Variants in SAMD3 observed in about 807,000 individuals in gnomAD.
The protein encoded by SAMD3 is sterile alpha motif domain containing 3.
In SAMD3, 63 loss-of-function variants were observed where a neutral mutation model predicts 58.5. The observed-to-expected ratio is 1.08, with a 90% CI of 0.88 to 1.33. The LOEUF (loss-of-function observed/expected upper bound fraction) is 1.33, where lower values mean the gene tolerates loss of function less well. Ranked by LOEUF, SAMD3 falls within the 40% of genes most tolerant of loss-of-function variation. The pLI, the probability that SAMD3 is intolerant of heterozygous loss-of-function variation, is 0.00. For synonymous variants in SAMD3, 220 were observed against 210.3 expected (o/e 1.05, Z -0.40); for missense variants, 604 against 608.4 (o/e 0.99, Z 0.08).
intron 2 of SAMD3, among the ~76,000 whole-genome samples, chr6:130,309,785 C>T (rs1234632830): frequency 6.6e-6 from 1 of 152,152 alleles, no homozygotes; most frequent in Non-Finnish European, 1.5e-5. Flanking sequence ...TAACTGGTGT[C>T]CTTGACTGTC....
intron 1 of SAMD3, among the ~76,000 whole-genome samples, chr6:130,323,008 G>T (rs990193340): frequency 1.3e-5 from 2 of 152,066 alleles, no homozygotes; most frequent in African/African-American, 4.8e-5. Flanking sequence ...AGTCAGACAA[G>T]GACTATCATG....
At chr6:130,222,432 T>C (rs1324606494) in intron 1 of SAMD3, among the ~76,000 whole-genome samples, 1 of 152,160 alleles carries the variant, frequency 6.6e-6, no homozygotes, top group Non-Finnish European at 1.5e-5. Flanking sequence ...GAAACAGTCA[T>C]GGATATGGTT....
intron 2 of SAMD3, among the ~76,000 whole-genome samples, chr6:130,280,875 T>A (rs994442765): frequency 1.3e-5 from 2 of 152,204 alleles, no homozygotes; most frequent in Non-Finnish European, 2.9e-5. Flanking sequence ...AAAATAAATG[T>A]TCACATTAAA....
chr6:130,232,617 TG>T (rs1301607571), intron 2 of SAMD3, among the ~76,000 whole-genome samples: 9 of 152,286 alleles, frequency 5.9e-5, no homozygotes, highest in African/African-American at 2.2e-4. Flanking sequence ...GTCTACATGT[TG>T]GTTTTCCTCC....
intron 2 of SAMD3, among the ~76,000 whole-genome samples, chr6:130,242,095 C>CAA: frequency 6.6e-6 from 1 of 152,292 alleles, no homozygotes; most frequent in South Asian, 2.1e-4. Context: ...CAGTGGAAAA[C>CAA]TTTAAGGATA....
chr6:130,277,957 A>C lies in SAMD3; in HGVS notation c.-188+35021T>G, dbSNP rs145045722. 8.7e-4 allele frequency among the ~76,000 whole-genome samples: 133 copies of C among 152,228 alleles called. 1 individual carries two copies. The highest frequency in any genetic ancestry group is 3.1e-3 in the African/African-American group (129 of 41,540). ...AATCTCCTTCTTGCTTGGGGACTAG[A>C]TTGCCTTTGTAGGACTAACAAAGTA... On this transcript the variant is annotated intron_variant, in intron 2 of 13. Transcript: ENST00000368134.
At position 130,214,355 on chromosome 6, in the gene SAMD3, T is replaced by G. The variant is rs1488100938; in HGVS notation, c.251A>C (p.Gln84Pro). The stretch of plus-strand genomic sequence containing the variant: ...TACTCACTCTCGAGCTGCTTCTGTT[T>G]GCATGACCAGGGCTGCCTTTTTGGG... ...ENPKKAALVM[Q>P]TEAARDYRDE... Residue 84 changes from glutamine to proline, a missense_variant, in exon 4 of 12, where the codon CAA becomes CCA. Coordinates refer to ENST00000439090, the MANE Select transcript of SAMD3 (RefSeq NM_001017373.4). The G allele has an allele frequency of 1.9e-6, 3 of 1,596,996 alleles. No homozygotes were observed. The African/African-American group carries it at 4.1e-5, about 22-fold the overall frequency.
In SAMD3 at chr6:130,149,756, C is replaced by T. The variant is rs189820917; in HGVS notation, c.1024-3575G>A. ...AGGTGAGGATCGAAAAACTACCTAT[C>T]GGGTATTATGCCCGCTACCTGGGTG... On this transcript the variant is annotated intron_variant, in intron 9 of 11. Transcript: ENST00000439090. Among the ~76,000 whole-genome samples the T allele has an allele frequency of 1.4e-3, 217 of 152,254 alleles. 3 individuals are homozygous for T. The highest frequency in any genetic ancestry group is 0.014 in the Admixed American group (208 of 15,296).
At chr6:130,365,692 C>A (rs1778118420), upstream of SAMD3, 1 of 985,386 alleles carries the variant, frequency 1.0e-6, no homozygotes, top group Non-Finnish European at 1.2e-6. Flanking sequence ...GCACGCCAGC[C>A]TTCCAGCCCG....
At chr6:130,329,404 G>C (rs1157293615) in intron 1 of SAMD3, among the ~76,000 whole-genome samples, 1 of 152,068 alleles carries the variant, frequency 6.6e-6, no homozygotes, top group Non-Finnish European at 1.5e-5. Context: ...CACCCAAAAT[G>C]AGGTCCTGGA....
intron 2 of SAMD3, among the ~76,000 whole-genome samples, chr6:130,299,370 G>A (rs1343020803): frequency 6.6e-6 from 1 of 152,028 alleles, no homozygotes; most frequent in East Asian, 1.9e-4. Context: ...AATGACTTTT[G>A]GGTAAAGAAC....
intron 2 of SAMD3, among the ~76,000 whole-genome samples, chr6:130,267,139 T>C (rs1007142787): frequency 2.6e-5 from 4 of 152,124 alleles, no homozygotes; most frequent in African/African-American, 9.7e-5. Context: ...TACACATAGA[T>C]GATCGGGGCA....
chr6:130,183,130 A>C, intron 7 of SAMD3: 1 of 318,076 alleles, frequency 3.1e-6, no homozygotes, highest in East Asian at 8.3e-5. Flanking sequence ...TTGAAACGTC[A>C]GCGGCAGTGG....
intron 2 of SAMD3, among the ~76,000 whole-genome samples, chr6:130,229,344 C>T (rs2876097): frequency 1.3e-5 from 2 of 152,174 alleles, no homozygotes; most frequent in African/African-American, 2.4e-5. Flanking sequence ...GCGCCCATGT[C>T]GTAGACTTCA....
intron 2 of SAMD3, among the ~76,000 whole-genome samples, chr6:130,309,935 G>GGAGA (rs1776084893): frequency 6.6e-6 from 1 of 151,808 alleles, no homozygotes; most frequent in Non-Finnish European, 1.5e-5. Flanking sequence ...AGAGAGAGAG[G>GGAGA]GAGAGAGAGA....
chr6:130,186,094 T>C lies in SAMD3; in HGVS notation c.384-1471A>G, dbSNP rs768913719. ...TATTAATAAAGTGTCCAAGTAACAA[T>C]TAATCAAAGGCACTAGGTAGCTCTT... is the stretch of plus-strand genomic sequence containing the variant. On this transcript the variant is annotated intron_variant, in intron 5 of 11. Coordinates refer to ENST00000439090, the MANE Select transcript of SAMD3 (RefSeq NM_001017373.4). 2.8e-4 allele frequency among the ~76,000 whole-genome samples: 43 copies of C among 152,100 alleles called. 1 individual carries two copies. Among genetic ancestry groups the C allele is most frequent in the Non-Finnish European group, 2.2e-4 (15 of 68,028 alleles).
chr6:130,195,018 C>T lies in SAMD3; in HGVS notation c.384-10395G>A, dbSNP rs535566882. ...GCCAGGCTTCTAAACCTCTTAAAAC[C>T]CCCCAACTCTGGTGCCAACTTAGAC... On this transcript the variant is annotated intron_variant, in intron 5 of 11. Coordinates refer to ENST00000439090, the MANE Select transcript of SAMD3 (RefSeq NM_001017373.4). 4.6e-3 allele frequency among the ~76,000 whole-genome samples: 698 copies of T among 152,214 alleles called. 4 individuals carry two copies. Among genetic ancestry groups the T allele is most frequent in the Middle Eastern group, 0.02 (6 of 294 alleles).
At chr6:130,205,545 C>A (rs193190280) in intron 5 of SAMD3, among the ~76,000 whole-genome samples, 3 of 151,702 alleles carry the variant, frequency 2.0e-5, no homozygotes, top group Non-Finnish European at 2.9e-5. Flanking sequence ...CTCAGGTGAT[C>A]CACCCACCTC....
chr6:130,343,914 G>A (rs977163088), intron 1 of SAMD3, among the ~76,000 whole-genome samples: 4 of 151,902 alleles, frequency 2.6e-5, no homozygotes, highest in African/African-American at 9.7e-5. Context: ...ACAGTGAACC[G>A]AGGTCGCACC....
Sources: allele counts gnomAD v4.1 joint callset (sites outside exome capture counted in the v4.1 genomes callset), GRCh38; gene constraint gnomAD v4.1.1; transcripts MANE v1.5; gene names NCBI Gene and HGNC (gene_info 2026-07-23, HGNC 2026-07-21).